DRC1: variants seen among roughly 807,000 people sequenced by gnomAD.
The protein encoded by DRC1 is dynein regulatory complex subunit 1, also known as dynein regulatory complex protein 1.
DRC1 carries 74 observed loss-of-function variants against 98.7 expected under a neutral mutation model. The observed-to-expected ratio is 0.75, with a 90% CI of 0.62 to 0.91. The LOEUF is 0.91. Ranked by LOEUF, DRC1 falls within the 40% of genes least tolerant of loss-of-function variation. The probability of loss-of-function intolerance (pLI) is 0.00; values close to 1 mark genes in which losing one functional copy is unlikely to be tolerated. For synonymous variants in DRC1, 336 were observed against 334.1 expected, an observed-to-expected ratio of 1.01 and a Z score of -0.06; for missense variants, 875 against 886.0, an observed-to-expected ratio of 0.99 and a Z score of 0.16.
At chr2:26,438,200 T>A (rs2147996451) in intron 7 of DRC1, among the ~76,000 whole-genome samples, 1 of 151,508 alleles carries the variant, frequency 6.6e-6, no homozygotes, top group African/African-American at 2.4e-5. Context: ...GGATATAAAA[T>A]TGTAGACACA....
Position 26,453,561 on chromosome 2 carries a change from G to T in DRC1, c.1919+12G>T. ...CTGAAGAAGCCTAGGTGGGCTGCGG[G>T]GCTGGAAGGCTTGCCTGAGACCAGA... On this transcript the variant is annotated intron_variant, in intron 14 of 16. Coordinates refer to ENST00000288710, the MANE Select transcript of DRC1 (RefSeq NM_145038.5). The T allele has an allele frequency of 1.2e-6, 2 of 1,610,172 alleles. No homozygotes were observed. The highest frequency in any genetic ancestry group is 1.7e-6 in the Non-Finnish European group (2 of 1,177,632).
intron 4 of DRC1, among the ~76,000 whole-genome samples, chr2:26,427,286 T>C (rs1301337231): frequency 6.6e-6 from 1 of 152,040 alleles, no homozygotes; most frequent in Non-Finnish European, 1.5e-5. Context: ...CAGCTAATTT[T>C]TGTGTTTTTA....
intron 10 of DRC1, among the ~76,000 whole-genome samples, chr2:26,447,112 AT>A (rs1230492265): frequency 2.0e-5 from 3 of 149,216 alleles, no homozygotes; most frequent in African/African-American, 7.4e-5. Flanking sequence ...AATAATAAAA[AT>A]TAAAAAAAAA....
chr2:26,450,129 G>C (rs371798371), intron 12 of DRC1, 44 bp downstream of exon 12: 1 of 1,570,562 alleles, frequency 6.4e-7, no homozygotes, highest in Admixed American at 1.8e-5. Flanking sequence ...GGCTGCAGCC[G>C]GCCGTGTTCT....
intron 1 of DRC1, among the ~76,000 whole-genome samples, chr2:26,408,850 C>T (rs1678506151): frequency 6.6e-6 from 1 of 152,084 alleles, no homozygotes; most frequent in Non-Finnish European, 1.5e-5. Flanking sequence ...TTAAATCAGC[C>T]CACGCTGACA....
At chr2:26,441,558 G>A (rs550397583) in intron 8 of DRC1, among the ~76,000 whole-genome samples, 3 of 152,216 alleles carry the variant, frequency 2.0e-5, no homozygotes, top group African/African-American at 7.2e-5. Flanking sequence ...ACCTGGGAAA[G>A]CTTCCCAAAG....
Position 26,441,830 on chromosome 2 carries a change from C to T in DRC1, c.1028+1313C>T, listed in dbSNP as rs139670191. On this transcript the variant is annotated intron_variant, in intron 8 of 16. Coordinates refer to ENST00000288710, the MANE Select transcript of DRC1 (RefSeq NM_145038.5). ...TCAAACTCAGACAGCTTTCCCTCAG[C>T]CTGAAAAACCCTTCAACGGACCCTG... 7.9e-4 allele frequency among the ~76,000 whole-genome samples: 120 copies of T among 152,046 alleles called. 1 individual carries two copies. Among genetic ancestry groups the T allele is most frequent in the African/African-American group, 2.8e-3 (115 of 41,360 alleles).
intron 1 of DRC1, among the ~76,000 whole-genome samples, chr2:26,406,322 C>T (rs1242725149): frequency 6.6e-6 from 1 of 152,196 alleles, no homozygotes; most frequent in Non-Finnish European, 1.5e-5. Context: ...ACCCACCCCT[C>T]GGTTGCCTGT....
At chr2:26,451,384 T>G (rs909800797) in intron 13 of DRC1, among the ~76,000 whole-genome samples, 1 of 152,192 alleles carries the variant, frequency 6.6e-6, no homozygotes, top group African/African-American at 2.4e-5. Context: ...AGAAGGTGAA[T>G]CAAATATTAA....
At chr2:26,404,923 C>T (rs943023026) in intron 1 of DRC1, among the ~76,000 whole-genome samples, 2 of 152,210 alleles carry the variant, frequency 1.3e-5, no homozygotes, top group Admixed American at 1.3e-4. Flanking sequence ...AACTCAGACC[C>T]TGTTCTAATC....
chr2:26,417,159 T>G (rs1468018577), intron 2 of DRC1, among the ~76,000 whole-genome samples: 1 of 152,070 alleles, frequency 6.6e-6, no homozygotes, highest in Non-Finnish European at 1.5e-5. Context: ...AAATTCAACA[T>G]AAGATTTGGG....
intron 8 of DRC1, among the ~76,000 whole-genome samples, chr2:26,441,927 C>G (rs1239663182): frequency 1.3e-5 from 2 of 152,198 alleles, no homozygotes; most frequent in African/African-American, 2.4e-5. Flanking sequence ...CACCACCCAG[C>G]ATTTCACAAT....
intron 10 of DRC1, chr2:26,448,289 G>A: frequency 2.2e-6 from 1 of 462,546 alleles, no homozygotes; most frequent in Non-Finnish European, 4.5e-6. Flanking sequence ...TGAGTTGGCT[G>A]CTTCTGTCTA....
At position 26,421,302 on chromosome 2, in the gene DRC1, T is replaced by A; in HGVS notation, c.258T>A (p.Leu86=). 1 of 1,613,486 alleles carries A rather than the reference T, an allele frequency of 6.2e-7. No individual in the cohort carries two copies. The highest frequency in any genetic ancestry group is 1.3e-5 in the African/African-American group (1 of 75,004). ...KEESRLKLAK[L]LLCGTELVTN... is the part of the protein sequence containing the mutation. ...TCTCTTTTTAGAAATTGGCTAAACT[T>A]CTGCTCTGTGGCACCGAGTTGGTGA... The change falls in exon 3 of 17, where the codon CTT becomes CTA. Residue 86 remains leucine (L), a synonymous_variant. Coordinates refer to ENST00000288710, the MANE Select transcript of DRC1 (RefSeq NM_145038.5).
chr2:26,430,920 T>G (rs755256529), intron 6 of DRC1, 48 bp downstream of exon 6: 2 of 1,529,296 alleles, frequency 1.3e-6, no homozygotes, highest in East Asian at 4.6e-5. Context: ...CTGGGTGATT[T>G]TTATTGTGAC....
chr2:26,447,647 A>G (rs536864697), intron 10 of DRC1, among the ~76,000 whole-genome samples: 22 of 149,458 alleles, frequency 1.5e-4, no homozygotes, highest in Admixed American at 1.5e-3. Flanking sequence ...GCTCACTGCA[A>G]CCTCCACCTC....
chr2:26,407,271 A>G (rs1044788429), intron 1 of DRC1, among the ~76,000 whole-genome samples: 6 of 152,184 alleles, frequency 3.9e-5, no homozygotes, highest in African/African-American at 1.4e-4. Context: ...CTCAACAGCA[A>G]TGAAATTGTG....
chr2:26,446,692 C>A (rs1021456693), intron 10 of DRC1, among the ~76,000 whole-genome samples: 2 of 152,100 alleles, frequency 1.3e-5, no homozygotes, highest in African/African-American at 2.4e-5. Flanking sequence ...AAATATCAGC[C>A]CTGCCACCAA....
At chr2:26,407,764 G>C (rs1267483249) in intron 1 of DRC1, among the ~76,000 whole-genome samples, 2 of 151,874 alleles carry the variant, frequency 1.3e-5, no homozygotes, top group African/African-American at 2.4e-5. Context: ...GGTTCCCTGA[G>C]ACTGCACAGA....
Sources: allele counts gnomAD v4.1 joint callset (sites outside exome capture counted in the v4.1 genomes callset), GRCh38; gene constraint gnomAD v4.1.1; transcripts MANE v1.5; gene names NCBI Gene and HGNC (gene_info 2026-07-23, HGNC 2026-07-21).